PDZD2: variants seen among roughly 807,000 people sequenced by gnomAD.
The protein encoded by PDZD2 is PDZ domain containing 2.
A neutral mutation model predicts 220.7 loss-of-function variants in PDZD2; 90 were observed. The ratio of observed to expected loss-of-function variants is 0.41; its 90% CI spans 0.34 to 0.49. PDZD2 has a LOEUF of 0.49. Among genes scored for constraint, PDZD2 ranks in the 20% least tolerant of loss-of-function variants. The probability of loss-of-function intolerance (pLI) is 0.28; values close to 1 mark genes in which losing one functional copy is unlikely to be tolerated. For synonymous variants in PDZD2, 1,375 were observed against 1,450.5 expected (o/e 0.95, Z 1.18); for missense variants, 3,174 against 3,608.5 (o/e 0.88, Z 3.08).
At chr5:31,867,233 A>C (rs1044497065) in intron 2 of PDZD2, among the ~76,000 whole-genome samples, 6 of 152,192 alleles carry the variant, frequency 3.9e-5, no homozygotes, top group Non-Finnish European at 7.3e-5. Flanking sequence ...AAAAAACCTA[A>C]TGGGATGCAG....
intron 2 of PDZD2, among the ~76,000 whole-genome samples, chr5:31,971,411 A>G (rs1749287557): frequency 6.6e-6 from 1 of 152,226 alleles, no homozygotes; most frequent in Admixed American, 6.5e-5. Flanking sequence ...CTCTGGCCCC[A>G]TGATATAATT....
intron 2 of PDZD2, among the ~76,000 whole-genome samples, chr5:31,982,902 T>G (rs1185770551): frequency 6.6e-6 from 1 of 152,232 alleles, no homozygotes. Flanking sequence ...CTCCTGATCC[T>G]ACGGTACTTA....
chr5:31,815,429 CAA>C (rs1187380221), intron 2 of PDZD2, among the ~76,000 whole-genome samples: 1 of 152,034 alleles, frequency 6.6e-6, no homozygotes, highest in East Asian at 1.9e-4. Context: ...CAAAATATGT[CAA>C]AGAGATATAT....
At chr5:31,669,096 C>G (rs12658974) in intron 1 of PDZD2, among the ~76,000 whole-genome samples, 1 of 151,532 alleles carries the variant, frequency 6.6e-6, no homozygotes, top group Non-Finnish European at 1.5e-5. Context: ...TAACAGTGCA[C>G]AGGACGTCCT....
intron 6 of PDZD2, among the ~76,000 whole-genome samples, chr5:32,014,769 G>A (rs1490278983): frequency 7.2e-6 from 1 of 139,030 alleles, no homozygotes; most frequent in Non-Finnish European, 1.5e-5. Context: ...AGGCTGGAGT[G>A]CAGTGGCGCA....
chr5:32,043,017 A>T (rs759511496), intron 7 of PDZD2, among the ~76,000 whole-genome samples: 10 of 152,206 alleles, frequency 6.6e-5, no homozygotes, highest in Non-Finnish European at 1.3e-4. Flanking sequence ...CGGGAAAAAG[A>T]TCTGCCTCCC....
chr5:32,021,240 T>C (rs1754176708), intron 6 of PDZD2, among the ~76,000 whole-genome samples: 1 of 151,616 alleles, frequency 6.6e-6, no homozygotes, highest in South Asian at 2.1e-4. Flanking sequence ...CCCCTACCGT[T>C]ACTGTTTGCT....
At chr5:31,918,910 C>T (rs1743919015) in intron 2 of PDZD2, among the ~76,000 whole-genome samples, 1 of 152,164 alleles carries the variant, frequency 6.6e-6, no homozygotes, top group Admixed American at 6.6e-5. Flanking sequence ...TAACTAGTGG[C>T]CTGATTGGAG....
intron 17 of PDZD2, 128 bp downstream of exon 17, chr5:32,072,445 AC>A: frequency 1.3e-6 from 1 of 774,452 alleles, no homozygotes; most frequent in Non-Finnish European, 2.0e-6. Flanking sequence ...AGAGCTGGAG[AC>A]CAGGCCGGGC....
chr5:32,069,284 A>G (rs1486350375), intron 14 of PDZD2, among the ~76,000 whole-genome samples: 1 of 142,794 alleles, frequency 7.0e-6, no homozygotes, highest in Admixed American at 7.0e-5. Flanking sequence ...AAAAAAAAAA[A>G]TTGAAGTGAG....
rs554853940 is a variant in PDZD2 at position 31,974,570 on chromosome 5, C to T, written c.477-8585C>T. ...ACTCGTAAGCTACCAAGCTAATGCACCAGAGTTTTATGGATGTCGGCAGAA... is the reference window on the plus strand; with the variant it reads ...ACTCGTAAGCTACCAAGCTAATGCATCAGAGTTTTATGGATGTCGGCAGAA... On this transcript the variant is annotated intron_variant, in intron 2 of 24. Transcript: ENST00000438447. Among the ~76,000 whole-genome samples the T allele has an allele frequency of 2.0e-5, 3 of 152,200 alleles. No individual in the cohort carries two copies. In the East Asian group the frequency reaches 5.8e-4, roughly 29 times the overall value.
intron 8 of PDZD2, 105 bp from the exon 9 acceptor site, chr5:32,052,506 A>T (rs1376120286): frequency 2.0e-6 from 2 of 1,022,268 alleles, no homozygotes; most frequent in Non-Finnish European, 3.1e-6. Flanking sequence ...AATGTCTAGT[A>T]CTGAAGACAT....
At chr5:31,827,416 G>C (rs1020294186) in intron 2 of PDZD2, among the ~76,000 whole-genome samples, 8 of 152,094 alleles carry the variant, frequency 5.3e-5, no homozygotes, top group African/African-American at 1.9e-4. Flanking sequence ...CCTGAGGCTG[G>C]GTGTGGTGGC....
chr5:32,029,944 C>T (rs1754992295), intron 6 of PDZD2, among the ~76,000 whole-genome samples: 1 of 152,248 alleles, frequency 6.6e-6, no homozygotes, highest in African/African-American at 2.4e-5. Context: ...CTGGAGTTCA[C>T]GACCATGAAC....
intron 6 of PDZD2, among the ~76,000 whole-genome samples, chr5:32,037,017 G>T (rs1451404839): frequency 6.6e-6 from 1 of 152,230 alleles, no homozygotes; most frequent in Non-Finnish European, 1.5e-5. Flanking sequence ...GTTCCATGCT[G>T]GGCGGTGAGA....
At chr5:32,043,557 C>G (rs1200436916) in intron 7 of PDZD2, among the ~76,000 whole-genome samples, 1 of 152,234 alleles carries the variant, frequency 6.6e-6, no homozygotes, top group Non-Finnish European at 1.5e-5. Context: ...ATGGCACTAC[C>G]ACTCCATGGT....
chr5:31,838,637 T>C (rs1307647328), intron 2 of PDZD2, among the ~76,000 whole-genome samples: 1 of 152,154 alleles, frequency 6.6e-6, no homozygotes, highest in Non-Finnish European at 1.5e-5. Flanking sequence ...GGCAAACAAG[T>C]CATCGTTATT....
At chr5:31,941,306 G>C (rs1746196901) in intron 2 of PDZD2, among the ~76,000 whole-genome samples, 1 of 152,204 alleles carries the variant, frequency 6.6e-6, no homozygotes, top group South Asian at 2.1e-4. Flanking sequence ...TTTGACTTCA[G>C]TTCCCAGACG....
chr5:31,994,327 A>T (rs569237276), intron 3 of PDZD2, among the ~76,000 whole-genome samples: 49 of 149,968 alleles, frequency 3.3e-4, no homozygotes, highest in African/African-American at 1.1e-3. Context: ...TTTTTTTTTT[A>T]AAGATTTTTA....
Sources: allele counts gnomAD v4.1 joint callset (sites outside exome capture counted in the v4.1 genomes callset), GRCh38; gene constraint gnomAD v4.1.1; transcripts MANE v1.5; gene names NCBI Gene and HGNC (gene_info 2026-07-23, HGNC 2026-07-21).